DRC4: variants seen among roughly 807,000 people sequenced by gnomAD.
DRC4 encodes dynein regulatory complex subunit 4, also known as GAS-11.
chr16:90,043,338 C>T, the DRC4 span: 63 of 1,592,772 alleles, frequency 4.0e-5, no homozygotes, highest in African/African-American at 6.0e-4. Flanking sequence ...GTGGGCACCC[C>T]GACGTAGCTG....
the DRC4 span, among the ~76,000 whole-genome samples, chr16:90,038,957 TA>T: frequency 1.3e-5 from 2 of 152,372 alleles, no homozygotes; most frequent in Admixed American, 6.5e-5. Context: ...TTCTCTAACC[TA>T]ATTGAAATTT....
the DRC4 span, chr16:90,029,565 G>T: frequency 3.2e-6 from 1 of 309,302 alleles, no homozygotes; most frequent in Non-Finnish European, 6.5e-6. Flanking sequence ...TCGTTGTGCC[G>T]AGGCACTGGT....
the DRC4 span, among the ~76,000 whole-genome samples, chr16:90,030,265 T>C: frequency 2.6e-5 from 4 of 152,352 alleles, no homozygotes; most frequent in East Asian, 7.7e-4. Context: ...TGCTGCTACA[T>C]CATTTGCATA....
chr16:90,029,233 C>A, the DRC4 span: 2 of 1,157,698 alleles, frequency 1.7e-6, no homozygotes, highest in South Asian at 3.7e-5. Flanking sequence ...CCTTGCACTG[C>A]ACATCGCACG....
the DRC4 span, among the ~76,000 whole-genome samples, chr16:90,026,203 A>G: frequency 6.6e-6 from 1 of 152,182 alleles, no homozygotes; most frequent in Non-Finnish European, 1.5e-5. Flanking sequence ...AGGATAGGAT[A>G]TGGAAATTTG....
chr16:90,027,389 C>T, the DRC4 span, among the ~76,000 whole-genome samples: 1 of 152,182 alleles, frequency 6.6e-6, no homozygotes, highest in Non-Finnish European at 1.5e-5. Flanking sequence ...CGCCCGGCTC[C>T]TCTCTTTTCT....
the DRC4 span, chr16:90,037,803 A>G: frequency 1.2e-6 from 2 of 1,614,186 alleles, no homozygotes; most frequent in East Asian, 2.2e-5. Context: ...AAGAGCTGAA[A>G]GACCTGCAGT....
chr16:90,020,918 GTTAAA>G, the DRC4 span: 1 of 152,392 alleles, frequency 6.6e-6, no homozygotes, highest in South Asian at 2.1e-4. Context: ...TGAAGTAAGT[GTTAAA>G]TTATAATAAT....
the DRC4 span, among the ~76,000 whole-genome samples, chr16:90,041,509 AC>A: frequency 0.019 from 2,874 of 152,042 alleles, 49 homozygotes; most frequent in Non-Finnish European, 0.026. Flanking sequence ...TTTTTCTGTT[AC>A]AAAAAAGTGG....
chr16:90,042,425 G>A, the DRC4 span: 23 of 1,591,754 alleles, frequency 1.4e-5, no homozygotes, highest in African/African-American at 2.7e-5. Context: ...CCGTTGCCTC[G>A]GCCAAAAGAT....
At chr16:90,032,722 A>G in the DRC4 span, 7 of 1,613,814 alleles carry the variant, frequency 4.3e-6, no homozygotes, top group Non-Finnish European at 5.9e-6. Context: ...CTGCAGGTGT[A>G]CAAGCAGAAA....
chr16:90,036,352 C>G, the DRC4 span: 1 of 1,572,996 alleles, frequency 6.4e-7, no homozygotes, highest in Non-Finnish European at 8.7e-7. Flanking sequence ...TCTTCCTCTG[C>G]TAAGCTGCTG....
At chr16:90,023,599 G>A in the DRC4 span, among the ~76,000 whole-genome samples, 2 of 137,602 alleles carry the variant, frequency 1.5e-5, 1 homozygote, top group Non-Finnish European at 3.4e-5. Context: ...TGGAGTGGAG[G>A]GATTAAAAAG....
chr16:90,020,357 C>T, the DRC4 span, among the ~76,000 whole-genome samples: 1 of 151,900 alleles, frequency 6.6e-6, no homozygotes, highest in East Asian at 1.9e-4. Context: ...TTCATAAACA[C>T]TCTTGTTAAC....
chr16:90,036,656 G>A, the DRC4 span: 18 of 1,392,934 alleles, frequency 1.3e-5, no homozygotes, highest in South Asian at 1.9e-4. Flanking sequence ...AGAGTCCTGG[G>A]GATCCAGACC....
the DRC4 span, among the ~76,000 whole-genome samples, chr16:90,031,973 G>A: frequency 3.3e-5 from 5 of 152,046 alleles, no homozygotes; most frequent in East Asian, 9.7e-4. Context: ...CGTGGGGCAG[G>A]TATGTGCAGG....
chr16:90,021,645 T>C, the DRC4 span, among the ~76,000 whole-genome samples: 2 of 151,602 alleles, frequency 1.3e-5, no homozygotes, highest in African/African-American at 4.9e-5. Flanking sequence ...GGCAGGAGGA[T>C]CACTTGAGGC....
the DRC4 span, chr16:90,036,313 C>G: frequency 1.4e-6 from 2 of 1,393,074 alleles, no homozygotes; most frequent in African/African-American, 1.4e-5. Context: ...TTTACAGGCT[C>G]CATGTTCTGT....
the DRC4 span, chr16:90,020,143 A>G: frequency 1.3e-5 from 7 of 556,942 alleles, no homozygotes; most frequent in East Asian, 2.2e-4. Context: ...TATACACATT[A>G]GATCATTGCA....
Sources: gnomAD v4.1 joint callset for allele counts (sites outside exome capture counted in the v4.1 genomes callset) on GRCh38, gnomAD v4.1.1 for gene constraint, MANE v1.5 for transcripts, NCBI Gene and HGNC (gene_info 2026-07-23, HGNC 2026-07-21) for gene names.